The following ADGRD1 variants were observed in gnomAD, a reference collection of about 807,000 sequenced individuals.
ADGRD1 encodes the protein G-protein coupled receptor 133.
A neutral mutation model predicts 113.4 loss-of-function variants in ADGRD1; 77 were observed. The observed-to-expected ratio is 0.68, with a 90% CI of 0.57 to 0.82. ADGRD1 has a LOEUF of 0.82. ADGRD1 is among the 40% of genes least tolerant of loss of function. ADGRD1 has a pLI of 0.00. For missense variants in ADGRD1, 1,036 were observed against 1,139.1 expected (o/e 0.91, Z 1.30); for synonymous variants, 474 against 475.0 (o/e 1.00, Z 0.03).
At chr12:131,029,292 C>T (rs1007387532) in intron 13 of ADGRD1, among the ~76,000 whole-genome samples, 5 of 152,208 alleles carry the variant, frequency 3.3e-5, no homozygotes, top group Admixed American at 2.0e-4. Flanking sequence ...AGTGCGAATC[C>T]GTTCCCCTGA....
intron 12 of ADGRD1, among the ~76,000 whole-genome samples, chr12:131,011,232 G>T (rs933828152): frequency 6.7e-6 from 1 of 148,398 alleles, no homozygotes; most frequent in African/African-American, 2.5e-5. Context: ...GGAGGAAAAT[G>T]CTCCTAAGGA....
intron 12 of ADGRD1, among the ~76,000 whole-genome samples, chr12:131,007,724 ACAT>A (rs1270878930): frequency 1.3e-5 from 2 of 152,228 alleles, no homozygotes; most frequent in Non-Finnish European, 2.9e-5. Context: ...CAGCCCCACA[ACAT>A]GTTCCATGAG....
At chr12:131,016,173 T>C (rs1445368355) in intron 13 of ADGRD1, among the ~76,000 whole-genome samples, 1 of 152,240 alleles carries the variant, frequency 6.6e-6, no homozygotes, top group Non-Finnish European at 1.5e-5. Context: ...CCACGCGGTC[T>C]TTGCGCTGTA....
chr12:131,023,278 T>C (rs1018248918), intron 13 of ADGRD1: 1 of 152,286 alleles, frequency 6.6e-6, no homozygotes, highest in African/African-American at 2.4e-5. Flanking sequence ...GTTCATCTGC[T>C]GTCACTGGTA....
chr12:131,096,083 C>T lies in ADGRD1; in HGVS notation c.1672-8748C>T, dbSNP rs145896090. 0.019 allele frequency among the ~76,000 whole-genome samples: 2,867 copies of T among 151,888 alleles called. 32 individuals are homozygous for T. The highest frequency in any genetic ancestry group is 0.028 in the Non-Finnish European group (1,879 of 67,984). ...TGCCCAGAGCAGCGGCCTAGACACG[C>T]GCTTGCTTTTCTGTCATTCCAGACG... On this transcript the variant is annotated intron_variant, in intron 15 of 24. Coordinates refer to ENST00000261654, the MANE Select transcript of ADGRD1 (RefSeq NM_198827.5). The surrounding 1 kb of genome is among the most constrained non-coding windows in gnomAD (Gnocchi z 5.2).
chr12:131,058,507 A>G (rs11061307), intron 13 of ADGRD1, among the ~76,000 whole-genome samples: 25,269 of 152,134 alleles, frequency 0.17, 3,587 homozygotes, highest in African/African-American at 0.39. Context: ...TCCTTCTTTT[A>G]TCATTTCCTT....
chr12:130,995,706 A>G (rs187900463), intron 8 of ADGRD1, among the ~76,000 whole-genome samples: 2 of 152,006 alleles, frequency 1.3e-5, no homozygotes, highest in African/African-American at 2.4e-5. Flanking sequence ...ACATCTCCCA[A>G]TTTTAAGAAA....
At chr12:130,967,861 A>G (rs991748660) in intron 3 of ADGRD1, 1 of 152,242 alleles carries the variant, frequency 6.6e-6, no homozygotes, top group Non-Finnish European at 1.5e-5. Flanking sequence ...CTACAGCCAG[A>G]TGTCTTTTCC....
rs1313651263 is a variant in ADGRD1, at chr12:131,050,024, A to G, written c.1474-26777A>G. 1.3e-5 allele frequency among the ~76,000 whole-genome samples: 2 copies of G among 152,152 alleles called. No individual in the cohort carries two copies. The highest frequency in any genetic ancestry group is 2.9e-5 in the Non-Finnish European group (2 of 68,024). ...GTCCTCTGCCTGGGCTTGGCCCTCTACCTGGGAAACTGGGCACGAATGCTT... is the reference window on the plus strand; with the variant it reads ...GTCCTCTGCCTGGGCTTGGCCCTCTGCCTGGGAAACTGGGCACGAATGCTT... On this transcript the variant is annotated intron_variant, in intron 13 of 24. Coordinates refer to ENST00000261654, the MANE Select transcript of ADGRD1 (RefSeq NM_198827.5). The surrounding 1 kb of genome is among the most constrained non-coding windows in gnomAD (Gnocchi z 4.8).
chr12:131,038,698 C>T lies in ADGRD1; in HGVS notation c.1473+24358C>T, dbSNP rs1034058888. Among the ~76,000 whole-genome samples, 10 of 152,150 alleles carry T rather than the reference C, an allele frequency of 6.6e-5. No individual in the cohort carries two copies. The South Asian group carries it at 1.2e-3, about 19-fold the overall frequency. ...GGGCAACCTGCCTCTGACTCTGCCACGAGAGCACAGCCGGGGTGCAGGTGA... is the reference window on the plus strand; with the variant it reads ...GGGCAACCTGCCTCTGACTCTGCCATGAGAGCACAGCCGGGGTGCAGGTGA... On this transcript the variant is annotated intron_variant, in intron 13 of 24. Coordinates refer to ENST00000261654, the MANE Select transcript of ADGRD1 (RefSeq NM_198827.5).
intron 8 of ADGRD1, among the ~76,000 whole-genome samples, chr12:130,992,643 C>A (rs184350886): frequency 6.6e-6 from 1 of 152,336 alleles, no homozygotes; most frequent in East Asian, 1.9e-4. Context: ...TGCCTGGTCC[C>A]CCCTGTGCAG....
intron 13 of ADGRD1, among the ~76,000 whole-genome samples, chr12:131,063,924 G>A (rs977651250): frequency 1.3e-5 from 2 of 152,022 alleles, no homozygotes; most frequent in Admixed American, 6.5e-5. Flanking sequence ...TTAACATGGC[G>A]TATCTCTCCA....
chr12:131,100,737 G>A (rs1950049840), intron 15 of ADGRD1, among the ~76,000 whole-genome samples: 1 of 152,206 alleles, frequency 6.6e-6, no homozygotes, highest in Non-Finnish European at 1.5e-5. Context: ...AGTAGAATGG[G>A]TGGCCAAGAA....
At chr12:131,100,166 G>A (rs1456451593) in intron 15 of ADGRD1, among the ~76,000 whole-genome samples, 1 of 151,272 alleles carries the variant, frequency 6.6e-6, no homozygotes, top group Non-Finnish European at 1.5e-5. Context: ...AGGTTAGTTG[G>A]TAGTGGGTTG....
At chr12:131,112,839 A>G (rs1389620713) in intron 18 of ADGRD1, among the ~76,000 whole-genome samples, 1 of 152,070 alleles carries the variant, frequency 6.6e-6, no homozygotes, top group African/African-American at 2.4e-5. Context: ...CCTCTGCCCA[A>G]TGAGTCAACA....
At chr12:131,047,926 GC>G (rs1883002622) in intron 13 of ADGRD1, among the ~76,000 whole-genome samples, 1 of 152,170 alleles carries the variant, frequency 6.6e-6, no homozygotes, top group African/African-American at 2.4e-5. Context: ...CCCACTTTCA[GC>G]CCCTTCTCCT....
intron 20 of ADGRD1, among the ~76,000 whole-genome samples, chr12:131,125,003 C>G (rs769133605): frequency 6.6e-6 from 1 of 152,192 alleles, no homozygotes; most frequent in Non-Finnish European, 1.5e-5. Flanking sequence ...CCCGAGGCCT[C>G]TCTCCTTAGC....
intron 13 of ADGRD1, chr12:131,070,476 G>C (rs571523864): frequency 5.9e-6 from 1 of 168,110 alleles, no homozygotes; most frequent in Non-Finnish European, 1.3e-5. Flanking sequence ...ACGAGGCGCC[G>C]GCTTTGCAGG....
At chr12:131,049,342 C>T (rs1883154448) in intron 13 of ADGRD1, among the ~76,000 whole-genome samples, 1 of 152,224 alleles carries the variant, frequency 6.6e-6, no homozygotes, top group South Asian at 2.1e-4. Flanking sequence ...CTCTGCTCCT[C>T]TCACTCCCGC....
Sources: allele counts gnomAD v4.1 joint callset (sites outside exome capture counted in the v4.1 genomes callset), GRCh38; gene constraint gnomAD v4.1.1; non-coding constraint Gnocchi (gnomAD v3.1); transcripts MANE v1.5; gene names NCBI Gene and HGNC (gene_info 2026-07-23, HGNC 2026-07-21).